The following MGAT4C variants were observed in gnomAD, a reference collection of about 807,000 sequenced individuals.
MGAT4C encodes alpha-1,3-mannosyl-glycoprotein 4-beta-N-acetylglucosaminyltransferase C.
MGAT4C carries 19 observed loss-of-function variants against 40.1 expected under a neutral mutation model. The ratio of observed to expected loss-of-function variants is 0.47; its 90% confidence interval spans 0.33 to 0.70. MGAT4C has a LOEUF of 0.70. MGAT4C is among the 30% of genes least tolerant of loss of function. The probability of loss-of-function intolerance (pLI) is 0.02; values close to 1 mark genes in which losing one functional copy is unlikely to be tolerated. For missense variants in MGAT4C, 491 were observed against 563.2 expected (o/e 0.87, Z 1.30); for synonymous variants, 181 against 187.1 (o/e 0.97, Z 0.27).
rs1449004136 is a variant in MGAT4C, at chr12:86,286,632, T to A, written c.-57+47433A>T. Reference sequence around the variant, plus strand: ...TGCAGGGGAACATGTGCAGGTGTGCTATATTGGTAAATTGTGTGCTGCAGG... The same window carrying A: ...TGCAGGGGAACATGTGCAGGTGTGCAATATTGGTAAATTGTGTGCTGCAGG... On this transcript the variant is annotated intron_variant, in intron 4 of 7. Transcript: ENST00000548651. 5.9e-5 allele frequency among the ~76,000 whole-genome samples: 9 copies of A among 152,292 alleles called. No individual in the cohort carries two copies. The East Asian group carries it at 1.5e-3, about 26-fold the overall frequency.
At chr12:86,408,479 CTA>C (rs71076198) in intron 3 of MGAT4C, among the ~76,000 whole-genome samples, 3,226 of 62,602 alleles carry the variant, frequency 0.052, 83 homozygotes, top group East Asian at 0.081. Flanking sequence ...CTCTCTCTCT[CTA>C]TATATATATA....
chr12:86,604,676 C>T (rs1463623529), intron 2 of MGAT4C, among the ~76,000 whole-genome samples: 4 of 152,130 alleles, frequency 2.6e-5, no homozygotes. Context: ...GTGTTCAATA[C>T]TGACAGTTGT....
intron 2 of MGAT4C, among the ~76,000 whole-genome samples, chr12:86,508,562 G>A (rs1429895668): frequency 2.0e-5 from 3 of 151,984 alleles, no homozygotes; most frequent in Non-Finnish European, 4.4e-5. Flanking sequence ...ATACTCCTTT[G>A]GGTATATACC....
At chr12:86,188,645 G>C (rs59019575) in intron 1 of MGAT4C, among the ~76,000 whole-genome samples, 1 of 151,834 alleles carries the variant, frequency 6.6e-6, no homozygotes, top group Non-Finnish European at 1.5e-5. Flanking sequence ...GTGATATTTT[G>C]GAAGTTTGAA....
intron 2 of MGAT4C, chr12:86,011,796 T>C: frequency 1.0e-6 from 1 of 980,000 alleles, no homozygotes; most frequent in Non-Finnish European, 1.2e-6. Flanking sequence ...AGACACAAAC[T>C]CACCATCCTT....
rs756065421 is a variant in MGAT4C, at chr12:86,152,899, C to CA, written c.-56-103177_-56-103176insT. Among the ~76,000 whole-genome samples the CA allele has an allele frequency of 1.7e-4, 26 of 151,556 alleles. No individual in the cohort carries two copies. The East Asian group carries it at 3.1e-3, about 18-fold the overall frequency. On this transcript the variant is annotated intron_variant, in intron 1 of 4. Transcript: ENST00000611864. ...ATGACTTCCAAAGTATCCTCTCTTG[C>CA]GTTTTTTTTCCTTTCAGTCATCCGT...
chr12:86,455,540 A>G (rs1957495094), intron 2 of MGAT4C, among the ~76,000 whole-genome samples: 1 of 152,128 alleles, frequency 6.6e-6, no homozygotes, highest in African/African-American at 2.4e-5. Context: ...CACAGAGCCA[A>G]TGAAGCCTTT....
At chr12:86,234,320 T>C (rs2136024203) in intron 1 of MGAT4C, among the ~76,000 whole-genome samples, 1 of 152,230 alleles carries the variant, frequency 6.6e-6, no homozygotes, top group Non-Finnish European at 1.5e-5. Flanking sequence ...AACAAAGGAT[T>C]TGAATTGATT....
chr12:86,357,599 GC>G (rs56378883), intron 3 of MGAT4C, among the ~76,000 whole-genome samples: 12,881 of 152,112 alleles, frequency 0.085, 754 homozygotes, highest in Middle Eastern at 0.22. Context: ...TAGATGAATG[GC>G]TAACTAGAAG....
chr12:85,990,530 T>C (rs184895124), intron 2 of MGAT4C, among the ~76,000 whole-genome samples: 91 of 152,228 alleles, frequency 6.0e-4, no homozygotes, highest in African/African-American at 2.1e-3. Flanking sequence ...AAAATGTCCG[T>C]CCCCTATAAT....
intron 1 of MGAT4C, among the ~76,000 whole-genome samples, chr12:86,093,127 A>G (rs1873186980): frequency 6.6e-6 from 1 of 151,992 alleles, no homozygotes; most frequent in Non-Finnish European, 1.5e-5. Flanking sequence ...TCTACCATAT[A>G]ATGTCAGAAA....
chr12:86,308,555 TG>T lies in MGAT4C; in HGVS notation c.-57+25509del, dbSNP rs565846431. On this transcript the variant is annotated intron_variant, in intron 4 of 7. Coordinates refer to the MGAT4C transcript ENST00000548651. ...TTTAGGCATTTATTTGATTGTTTGTTGTTTCACGAAAAGCTTGATTGGTTGC... is the reference window on the plus strand; with the variant it reads ...TTTAGGCATTTATTTGATTGTTTGTTTTTCACGAAAAGCTTGATTGGTTGC... Among the ~76,000 whole-genome samples the T allele has an allele frequency of 1.9e-3, 287 of 150,822 alleles. 7 individuals are homozygous for T. The highest frequency in any genetic ancestry group is 0.016 in the Admixed American group (243 of 15,230).
rs543997902 is a variant in MGAT4C at position 86,353,040 on chromosome 12, T to A, written c.-119-18913A>T. Among the ~76,000 whole-genome samples the A allele has an allele frequency of 1.7e-3, 234 of 140,790 alleles. 1 individual carries two copies. Among genetic ancestry groups the A allele is most frequent in the African/African-American group, 5.1e-3 (207 of 40,244 alleles). The allele number at this position is 140,790 out of a possible 152,430, so 92.4% of individuals were successfully genotyped here. On this transcript the variant is annotated intron_variant, in intron 3 of 7. Coordinates refer to the MGAT4C transcript ENST00000548651. ...AATAATAATAAAATAAAAAAATAAA[T>A]AAATAAATAAATAAAATAAATTATA...
intron 1 of MGAT4C, among the ~76,000 whole-genome samples, chr12:86,065,933 A>G (rs1044772003): frequency 2.0e-5 from 3 of 152,234 alleles, no homozygotes; most frequent in African/African-American, 7.2e-5. Context: ...ACAAAGAGCC[A>G]AATCATGAGT....
At chr12:86,708,787 C>T (rs767235290) in intron 2 of MGAT4C, among the ~76,000 whole-genome samples, 11 of 152,132 alleles carry the variant, frequency 7.2e-5, no homozygotes, top group Non-Finnish European at 1.3e-4. Context: ...GGCCTGAAAC[C>T]TCTTTGTTTT....
chr12:86,389,009 T>A (rs542690966), intron 3 of MGAT4C, among the ~76,000 whole-genome samples: 1 of 152,150 alleles, frequency 6.6e-6, no homozygotes, highest in South Asian at 2.1e-4. Flanking sequence ...CATAGTTTTT[T>A]TCTTCTAGTA....
intron 2 of MGAT4C, among the ~76,000 whole-genome samples, chr12:85,997,336 G>A (rs1468674869): frequency 6.6e-6 from 1 of 152,066 alleles, no homozygotes. Context: ...ATGAGATTTG[G>A]GTGGGGAACC....
intron 1 of MGAT4C, among the ~76,000 whole-genome samples, chr12:86,235,860 T>C (rs1312733921): frequency 6.6e-6 from 1 of 152,048 alleles, no homozygotes; most frequent in Non-Finnish European, 1.5e-5. Context: ...AGCATAGTGA[T>C]TGGAATAAAG....
intron 4 of MGAT4C, among the ~76,000 whole-genome samples, chr12:86,326,321 C>T: frequency 6.6e-6 from 1 of 151,636 alleles, no homozygotes; most frequent in East Asian, 1.9e-4. Context: ...CACACACACA[C>T]ACACACACAC....
Sources: gnomAD v4.1 joint callset for allele counts (sites outside exome capture counted in the v4.1 genomes callset) on GRCh38, gnomAD v4.1.1 for gene constraint, MANE v1.5 for transcripts, NCBI Gene and HGNC (gene_info 2026-07-23, HGNC 2026-07-21) for gene names.